CTNNA3: variants seen among roughly 807,000 people sequenced by gnomAD.
CTNNA3 encodes catenin alpha-3.
CTNNA3 carries 76 observed loss-of-function variants against 95.7 expected under a neutral mutation model. The observed-to-expected ratio is 0.79, with a 90% CI of 0.66 to 0.96. CTNNA3 has a LOEUF of 0.96. Among genes scored for constraint, CTNNA3 ranks in the 40% least tolerant of loss-of-function variants. The probability of loss-of-function intolerance (pLI) is 0.00; values close to 1 mark genes in which losing one functional copy is unlikely to be tolerated. For synonymous variants in CTNNA3, 431 were observed against 374.4 expected, an observed-to-expected ratio of 1.15 and a Z score of -1.74; for missense variants, 1,191 against 1,089.8, an observed-to-expected ratio of 1.09 and a Z score of -1.31.
At chr10:66,471,987 A>G (rs1241662573) in intron 11 of CTNNA3, among the ~76,000 whole-genome samples, 3 of 152,028 alleles carry the variant, frequency 2.0e-5, no homozygotes, top group Non-Finnish European at 2.9e-5. Flanking sequence ...TGACGTGTGT[A>G]AAAGTATTAT....
At chr10:66,063,442 C>T (rs1053493060) in intron 15 of CTNNA3, among the ~76,000 whole-genome samples, 5 of 151,328 alleles carry the variant, frequency 3.3e-5, no homozygotes, top group Admixed American at 6.6e-5. Flanking sequence ...CATTACCCCA[C>T]AAATAGAAGC....
chr10:65,946,527 CAA>C (rs1426037481), intron 17 of CTNNA3, among the ~76,000 whole-genome samples: 10 of 152,224 alleles, frequency 6.6e-5, no homozygotes, highest in African/African-American at 2.2e-4. Context: ...CTAATTTAAA[CAA>C]ATCTTTTAAA....
chr10:67,623,890 C>T (rs1459452552), intron 2 of CTNNA3, among the ~76,000 whole-genome samples: 1 of 152,068 alleles, frequency 6.6e-6, no homozygotes, highest in Non-Finnish European at 1.5e-5. Context: ...GATCTCGGCT[C>T]ACTGCAACCT....
At chr10:67,102,347 A>AAC (rs113804283) in intron 7 of CTNNA3, among the ~76,000 whole-genome samples, 56,802 of 151,006 alleles carry the variant, frequency 0.38, 10,842 homozygotes, top group Middle Eastern at 0.54. Context: ...AAACCAAGCA[A>AAC]ACACACACAC....
chr10:67,599,855 T>C (rs1406011531), intron 3 of CTNNA3, among the ~76,000 whole-genome samples: 1 of 152,228 alleles, frequency 6.6e-6, no homozygotes, highest in Non-Finnish European at 1.5e-5. Flanking sequence ...TCAGTGGACT[T>C]TTTTGTAAAA....
intron 9 of CTNNA3, among the ~76,000 whole-genome samples, chr10:66,727,211 T>C (rs988322470): frequency 6.6e-6 from 1 of 152,078 alleles, no homozygotes; most frequent in Non-Finnish European, 1.5e-5. Flanking sequence ...AAAATTAGAT[T>C]ACTTTCAGGA....
At chr10:67,152,863 T>C (rs1589800160) in intron 7 of CTNNA3, among the ~76,000 whole-genome samples, 2 of 152,286 alleles carry the variant, frequency 1.3e-5, no homozygotes, top group Admixed American at 1.3e-4. Context: ...CTAACTTATA[T>C]GAGAAAGAGA....
chr10:67,123,573 C>T (rs1054863497), intron 7 of CTNNA3, among the ~76,000 whole-genome samples: 2 of 151,686 alleles, frequency 1.3e-5, no homozygotes, highest in African/African-American at 2.4e-5. Context: ...TTCTTTAACC[C>T]ATCTACACTA....
chr10:66,602,434 G>C (rs1223120927), intron 10 of CTNNA3, among the ~76,000 whole-genome samples: 2 of 151,734 alleles, frequency 1.3e-5, no homozygotes, highest in African/African-American at 4.8e-5. Flanking sequence ...CCACCTACAA[G>C]TCCAGGATAT....
At chr10:66,493,599 ATT>A (rs528761424) in intron 11 of CTNNA3, among the ~76,000 whole-genome samples, 1,734 of 111,978 alleles carry the variant, frequency 0.015, 28 homozygotes, top group African/African-American at 0.061. Flanking sequence ...TAACTACAGT[ATT>A]TTTTTTTTTT....
At chr10:67,626,180 CA>C (rs59942742) in intron 2 of CTNNA3, among the ~76,000 whole-genome samples, 8,836 of 126,876 alleles carry the variant, frequency 0.07, 298 homozygotes, top group Middle Eastern at 0.12. Context: ...AACCCTGTCT[CA>C]AAAAAAAAAA....
intron 9 of CTNNA3, among the ~76,000 whole-genome samples, chr10:66,763,354 G>GAGAGGGA (rs1554848287): frequency 2.2e-5 from 1 of 45,534 alleles, no homozygotes; most frequent in African/African-American, 7.9e-5. Context: ...AGAGAGAGAG[G>GAGAGGGA]GAGAGAGAGA....
intron 9 of CTNNA3, among the ~76,000 whole-genome samples, chr10:66,758,796 G>A (rs887660578): frequency 2.6e-5 from 4 of 152,122 alleles, no homozygotes; most frequent in African/African-American, 4.8e-5. Context: ...TTAGCCATGC[G>A]TGGTGGCAGG....
At chr10:66,019,597 T>C (rs1466807783) in intron 15 of CTNNA3, among the ~76,000 whole-genome samples, 1 of 152,094 alleles carries the variant, frequency 6.6e-6, no homozygotes, top group Non-Finnish European at 1.5e-5. Flanking sequence ...CTGAAATACT[T>C]GAATACTATA....
intron 7 of CTNNA3, among the ~76,000 whole-genome samples, chr10:66,962,690 C>A (rs567618706): frequency 6.6e-6 from 1 of 152,034 alleles, no homozygotes; most frequent in African/African-American, 2.4e-5. Flanking sequence ...GGATTACAGG[C>A]GTGAGCCACC....
chr10:65,995,064 A>AT (rs140497719), intron 15 of CTNNA3, among the ~76,000 whole-genome samples: 6,600 of 149,544 alleles, frequency 0.044, 416 homozygotes, highest in African/African-American at 0.14. Flanking sequence ...GTCTTTTCTG[A>AT]TTTTTTTTTG....
chr10:67,690,291 G>T lies in CTNNA3; in HGVS notation c.-6+5709C>A, dbSNP rs142031294. Among the ~76,000 whole-genome samples, 55 of 152,294 alleles carry T rather than the reference G, an allele frequency of 3.6e-4. No individual in the cohort carries two copies. In the East Asian group the frequency reaches 0.01, roughly 29 times the overall value. On this transcript the variant is annotated intron_variant, in intron 1 of 17. Coordinates refer to ENST00000433211, the MANE Select transcript of CTNNA3 (RefSeq NM_013266.4). Reference sequence around the variant, plus strand: ...ACAGACCCTCACGGTGAGTGTTACAGCTCATAAAGGTAGTGCGGACCCAAA... The same window carrying T: ...ACAGACCCTCACGGTGAGTGTTACATCTCATAAAGGTAGTGCGGACCCAAA...
intron 9 of CTNNA3, among the ~76,000 whole-genome samples, chr10:66,654,815 C>T (rs1025327472): frequency 1.3e-5 from 2 of 152,056 alleles, no homozygotes; most frequent in Non-Finnish European, 2.9e-5. Context: ...TGACATGGAT[C>T]CACCTGAGGG....
At position 66,152,852 on chromosome 10, in the gene CTNNA3, A is replaced by G. The variant is rs78383916; in HGVS notation, c.1885-49603T>C. Reference sequence around the variant, plus strand: ...GTAGTCCAATTCACTGAGCTCCAGGAATGTGTAAATAATTTTCAGTAAGTC... The same window carrying G: ...GTAGTCCAATTCACTGAGCTCCAGGGATGTGTAAATAATTTTCAGTAAGTC... On this transcript the variant is annotated intron_variant, in intron 13 of 17. Transcript: ENST00000433211. Among the ~76,000 whole-genome samples, 171 of 152,094 alleles carry G rather than the reference A, an allele frequency of 1.1e-3. 3 individuals carry two copies. The East Asian group carries it at 0.032, about 29-fold the overall frequency.
Sources: gnomAD v4.1 joint callset for allele counts (sites outside exome capture counted in the v4.1 genomes callset) on GRCh38, gnomAD v4.1.1 for gene constraint, MANE v1.5 for transcripts, NCBI Gene and HGNC (gene_info 2026-07-23, HGNC 2026-07-21) for gene names.